WWOX: variants seen among roughly 807,000 people sequenced by gnomAD.
WWOX encodes the protein WW domain containing oxidoreductase, also known as WW domain-containing oxidoreductase.
In WWOX, 69 loss-of-function variants were observed where a neutral mutation model predicts 46.2. That is an observed-to-expected ratio of 1.49 (90% CI 1.23 to 1.82). The LOEUF is 1.82. WWOX is among the 40% of genes most tolerant of loss of function. The pLI is 0.00. For synonymous variants in WWOX, 359 were observed against 202.6 expected, an observed-to-expected ratio of 1.77 and a Z score of -6.56; for missense variants, 919 against 542.6, an observed-to-expected ratio of 1.69 and a Z score of -6.89.
At chr16:78,747,056 G>T (rs2049364360) in intron 8 of WWOX, among the ~76,000 whole-genome samples, 1 of 151,988 alleles carries the variant, frequency 6.6e-6, no homozygotes. Flanking sequence ...TGTGCCCAAT[G>T]TCCTCCCAAT....
chr16:79,118,167 G>C (rs1035297165), intron 8 of WWOX, among the ~76,000 whole-genome samples: 19 of 152,212 alleles, frequency 1.2e-4, no homozygotes, highest in African/African-American at 4.3e-4. Context: ...CTTTCTCTTG[G>C]GCACTGAAAA....
intron 8 of WWOX, among the ~76,000 whole-genome samples, chr16:79,132,520 T>C (rs1437511298): frequency 1.3e-5 from 2 of 152,158 alleles, no homozygotes; most frequent in Non-Finnish European, 2.9e-5. Context: ...AGGTAGTCTT[T>C]TCAGGAATAT....
intron 5 of WWOX, among the ~76,000 whole-genome samples, chr16:78,274,979 T>C (rs2079550116): frequency 6.6e-6 from 1 of 152,194 alleles, no homozygotes; most frequent in Admixed American, 6.5e-5. Flanking sequence ...TTTCCTGTGC[T>C]TCTGGTTCAT....
intron 8 of WWOX, among the ~76,000 whole-genome samples, chr16:78,567,411 G>A (rs569119484): frequency 2.8e-4 from 43 of 151,518 alleles, no homozygotes; most frequent in Non-Finnish European, 5.3e-4. Context: ...AAATTAGCCC[G>A]GCGTGGTGGC....
chr16:78,689,787 C>T (rs1254518067), intron 8 of WWOX, among the ~76,000 whole-genome samples: 2 of 152,100 alleles, frequency 1.3e-5, no homozygotes, highest in African/African-American at 4.8e-5. Flanking sequence ...CAGCCTTGAC[C>T]CCTGTTGAAA....
intron 8 of WWOX, among the ~76,000 whole-genome samples, chr16:78,600,047 G>T (rs1042275538): frequency 2.0e-5 from 3 of 152,152 alleles, no homozygotes; most frequent in African/African-American, 7.2e-5. Flanking sequence ...GGAAGGCAAG[G>T]AGGAGCAAAG....
intron 8 of WWOX, among the ~76,000 whole-genome samples, chr16:78,816,216 G>T (rs2051326275): frequency 6.6e-6 from 1 of 152,112 alleles, no homozygotes; most frequent in African/African-American, 2.4e-5. Flanking sequence ...TAAAATTTGG[G>T]ACGCTGGATA....
At chr16:78,188,769 G>A (rs969680047) in intron 5 of WWOX, among the ~76,000 whole-genome samples, 1 of 152,094 alleles carries the variant, frequency 6.6e-6, no homozygotes, top group Non-Finnish European at 1.5e-5. Context: ...ATGGCTACTG[G>A]GGAGAAATGA....
At chr16:78,926,321 C>T (rs897264992) in intron 8 of WWOX, among the ~76,000 whole-genome samples, 16 of 151,858 alleles carry the variant, frequency 1.1e-4, no homozygotes, top group Admixed American at 6.6e-4. Context: ...TGCAGTGAGC[C>T]ATGCTCGTGC....
chr16:78,126,778 A>G (rs764769035), intron 4 of WWOX, among the ~76,000 whole-genome samples: 1 of 152,178 alleles, frequency 6.6e-6, no homozygotes, highest in Non-Finnish European at 1.5e-5. Context: ...ACCCGCATTT[A>G]AGGAGGGAAT....
intron 8 of WWOX, among the ~76,000 whole-genome samples, chr16:79,142,411 A>T (rs1012577281): frequency 6.6e-6 from 1 of 152,176 alleles, no homozygotes; most frequent in African/African-American, 2.4e-5. Context: ...TGATAGCTTG[A>T]TTTCAGCCAT....
chr16:78,461,907 G>T (rs1455464157), intron 8 of WWOX, among the ~76,000 whole-genome samples: 3 of 152,188 alleles, frequency 2.0e-5, no homozygotes, highest in African/African-American at 4.8e-5. Flanking sequence ...AAATATTGTT[G>T]TAAGACTTTT....
chr16:78,739,423 A>C (rs79420779), intron 8 of WWOX, among the ~76,000 whole-genome samples: 1,986 of 152,296 alleles, frequency 0.013, 36 homozygotes, highest in African/African-American at 0.043. Flanking sequence ...CAGAAGGCAC[A>C]CTACACATCT....
At chr16:79,124,520 G>T (rs1478461332) in intron 8 of WWOX, among the ~76,000 whole-genome samples, 1 of 152,228 alleles carries the variant, frequency 6.6e-6, no homozygotes. Flanking sequence ...TTAGGACTGA[G>T]TTCATTCTTG....
At position 78,368,823 on chromosome 16, in the gene WWOX, C is replaced by T. The variant is rs927426451; in HGVS notation, c.517-18037C>T. ...GCCATGGGATAGGTGACTACAGAGC[C>T]AGATTCGAATGTGGCCCTGTGCCGG... On this transcript the variant is annotated intron_variant, in intron 5 of 8. Transcript: ENST00000566780. Among the ~76,000 whole-genome samples the T allele has an allele frequency of 5.9e-5, 9 of 152,292 alleles. 1 individual carries two copies. In the East Asian group the frequency reaches 7.7e-4, roughly 13 times the overall value.
chr16:78,335,224 A>C (rs1325515887), intron 5 of WWOX, among the ~76,000 whole-genome samples: 2 of 152,188 alleles, frequency 1.3e-5, no homozygotes, highest in Non-Finnish European at 2.9e-5. Flanking sequence ...GCAGAGATCA[A>C]CTTATCACCT....
At chr16:78,902,543 G>T (rs2044856092) in intron 8 of WWOX, among the ~76,000 whole-genome samples, 1 of 152,234 alleles carries the variant, frequency 6.6e-6, no homozygotes, top group Non-Finnish European at 1.5e-5. Flanking sequence ...CCCCGTGACT[G>T]CTGCGGGGGC....
At chr16:78,234,524 C>G (rs1339126481) in intron 5 of WWOX, among the ~76,000 whole-genome samples, 3 of 152,080 alleles carry the variant, frequency 2.0e-5, no homozygotes, top group Non-Finnish European at 4.4e-5. Context: ...TCTGATATGC[C>G]CTTTTAGTTT....
chr16:78,856,793 A>G (rs1468626684), intron 8 of WWOX, among the ~76,000 whole-genome samples: 1 of 152,250 alleles, frequency 6.6e-6, no homozygotes, highest in Non-Finnish European at 1.5e-5. Context: ...ACATTTACAT[A>G]TACAGTCATC....
Sources: allele counts gnomAD v4.1 joint callset (sites outside exome capture counted in the v4.1 genomes callset), GRCh38; gene constraint gnomAD v4.1.1; transcripts MANE v1.5; gene names NCBI Gene and HGNC (gene_info 2026-07-23, HGNC 2026-07-21).